PNPLA1: variants seen among roughly 807,000 people sequenced by gnomAD.
The protein encoded by PNPLA1 is patatin like domain 1, omega-hydroxyceramide transacylase, also known as omega-hydroxyceramide transacylase.
PNPLA1 carries 36 observed loss-of-function variants against 51.7 expected under a neutral mutation model. The observed-to-expected ratio is 0.70, with a 90% CI of 0.53 to 0.92. The LOEUF (loss-of-function observed/expected upper bound fraction) is 0.92. PNPLA1 is among the 40% of genes least tolerant of loss of function. The pLI, the probability that PNPLA1 is intolerant of heterozygous loss-of-function variation, is 0.00. For synonymous variants in PNPLA1, 293 were observed against 280.1 expected (o/e 1.05, Z -0.46); for missense variants, 658 against 682.5 (o/e 0.96, Z 0.40).
At chr6:36,274,654 T>C (rs145154729) in intron 1 of PNPLA1, among the ~76,000 whole-genome samples, 2 of 152,316 alleles carry the variant, frequency 1.3e-5, no homozygotes, top group African/African-American at 4.8e-5. Flanking sequence ...CCAAAGCAGT[T>C]GTACCAATTT....
At chr6:36,243,228 TGGA>T (rs1160288567) in exon 1 of PNPLA1, 1 of 152,102 alleles carries the variant, frequency 6.6e-6, no homozygotes, top group Non-Finnish European at 1.5e-5. Context: ...GAAGGCTTCT[TGGA>T]GGAGGAGATG....
At chr6:36,305,897 G>A (rs1771218038) in intron 6 of PNPLA1, among the ~76,000 whole-genome samples, 1 of 151,244 alleles carries the variant, frequency 6.6e-6, no homozygotes, top group African/African-American at 2.4e-5. Flanking sequence ...GAGATCACAG[G>A]CATGCACTAC....
rs70975141 is a variant in PNPLA1, at chr6:36,282,088, A to AGAAGGAAG, written c.206-9188_206-9181dup. On this transcript the variant is annotated intron_variant, in intron 1 of 8. Transcript: ENST00000636260. ...AAGAAAGAAAGAAAGAAAGAAAGAA[A>AGAAGGAAG]GAAGGAAGGAAGGAAGGAAGGAAGG... Among the ~76,000 whole-genome samples the AGAAGGAAG allele has an allele frequency of 4.2e-3, 413 of 98,782 alleles. 8 individuals are homozygous for AGAAGGAAG. The highest frequency in any genetic ancestry group is 5.2e-3 in the Middle Eastern group (1 of 194). 64.8% of individuals were successfully genotyped at this position (98,782 alleles called of 152,430 possible). A position where few individuals can be genotyped will look rare whatever the true frequency, so the allele number is the denominator to read the frequency against.
chr6:36,261,052 C>T (rs553075909), intron 1 of PNPLA1, among the ~76,000 whole-genome samples: 27 of 152,316 alleles, frequency 1.8e-4, no homozygotes, highest in African/African-American at 4.8e-4. Context: ...TGGCTTTGAA[C>T]GGCTGGGCTC....
In PNPLA1 at chr6:36,306,339, G is replaced by A; in HGVS notation, c.1432G>A (p.Val478Ile). Residue 478 changes from valine (V) to isoleucine (I), a missense_variant, in exon 7 of 9, where the codon GTT becomes ATT. Coordinates refer to ENST00000636260, the MANE Select transcript of PNPLA1 (RefSeq NM_001374623.1). ...AAAACCAAAAAGCGCCGTGCCTCTG[G>A]TTCATGTGAAGGAAACCGTCAGCAA... Reference protein sequence around the residue: ...SSKPKSAVPLVHVKETVSKPY... With the variant: ...SSKPKSAVPLIHVKETVSKPY... 2 of 1,612,856 alleles carry A rather than the reference G, an allele frequency of 1.2e-6. No homozygotes were observed. Among genetic ancestry groups the A allele is most frequent in the Non-Finnish European group, 1.7e-6 (2 of 1,179,570 alleles).
chr6:36,275,360 C>T (rs1248084388), intron 1 of PNPLA1, among the ~76,000 whole-genome samples: 1 of 152,176 alleles, frequency 6.6e-6, no homozygotes, highest in Non-Finnish European at 1.5e-5. Context: ...GAGTTACAGG[C>T]CTAAACCAGT....
chr6:36,310,776 G>C (rs1335481273), intron 8 of PNPLA1, among the ~76,000 whole-genome samples: 3 of 152,206 alleles, frequency 2.0e-5, no homozygotes. Flanking sequence ...GAAGTCACAG[G>C]GGTTAGCACT....
chr6:36,288,950 G>T lies in PNPLA1; in HGVS notation c.206-2370G>T, dbSNP rs564661293. ...TGAAAAAACAAATTAGGTTATAAAT[G>T]GATATTTGTTGACCTGGAAAAACAT... On this transcript the variant is annotated intron_variant, in intron 1 of 8. Coordinates refer to ENST00000636260, the MANE Select transcript of PNPLA1 (RefSeq NM_001374623.1). Among the ~76,000 whole-genome samples, 4 of 152,114 alleles carry T rather than the reference G, an allele frequency of 2.6e-5. No individual in the cohort carries two copies. The South Asian group carries it at 8.3e-4, about 32-fold the overall frequency.
At chr6:36,297,262 A>G (rs1453609337) in intron 5 of PNPLA1, among the ~76,000 whole-genome samples, 3 of 152,172 alleles carry the variant, frequency 2.0e-5, no homozygotes, top group Non-Finnish European at 4.4e-5. Flanking sequence ...TTGCCAGTGT[A>G]TGGCACGGGT....
At chr6:36,264,735 C>T (rs1247948922) in intron 1 of PNPLA1, among the ~76,000 whole-genome samples, 1 of 152,130 alleles carries the variant, frequency 6.6e-6, no homozygotes, top group Non-Finnish European at 1.5e-5. Context: ...ATGTTTGCTG[C>T]ACTAGTTTGG....
rs767037214 is a variant in PNPLA1 at position 36,294,925 on chromosome 6, T to A, written c.715-439T>A. 1.3e-5 allele frequency among the ~76,000 whole-genome samples: 2 copies of A among 152,242 alleles called. No homozygotes were observed. The highest frequency in any genetic ancestry group is 4.8e-5 in the African/African-American group (2 of 41,460). On this transcript the variant is annotated intron_variant, in intron 4 of 8. Transcript: ENST00000636260. This position sits in a 1 kb window ranked among gnomAD's most constrained non-coding sequence, Gnocchi z 4.2. ...GCTTTGTGGGCAGTAGCTCATGTAA[T>A]CCTCTAGCATCCTCTATGATCAATA...
Position 36,270,496 on chromosome 6 carries a change from C to T in PNPLA1, c.37C>T (p.Pro13Ser). Reference sequence around the variant, plus strand: ...GGTGTTCAAGGGGGACCCGGACACCCCTCACTCCATCTCCTTCTCGGGCAG... The same window carrying T: ...GGTGTTCAAGGGGGACCCGGACACCTCTCACTCCATCTCCTTCTCGGGCAG... ...EQVFKGDPDT[P>S]HSISFSGSGF... Residue 13 changes from proline to serine, a missense_variant, in exon 1 of 9, where the codon CCT becomes TCT. Transcript: ENST00000636260. The T allele has an allele frequency of 6.4e-7, 1 of 1,551,514 alleles. No individual in the cohort carries two copies. Among genetic ancestry groups the T allele is most frequent in the Non-Finnish European group, 8.7e-7 (1 of 1,147,000 alleles).
intron 2 of PNPLA1, among the ~76,000 whole-genome samples, chr6:36,292,612 G>A (rs1770723016): frequency 6.6e-6 from 1 of 151,976 alleles, no homozygotes; most frequent in African/African-American, 2.4e-5. Flanking sequence ...GTGGAGCCAC[G>A]GTGCCCATGC....
chr6:36,293,272 T>G (rs1211576246), intron 3 of PNPLA1, 146 bp downstream of exon 3: 5 of 854,862 alleles, frequency 5.8e-6, no homozygotes, highest in Non-Finnish European at 9.1e-6. Flanking sequence ...TTACTCAGAA[T>G]TCCCAATGTA....
At chr6:36,245,558 A>G (rs1182273487) in intron 1 of PNPLA1, among the ~76,000 whole-genome samples, 1 of 152,206 alleles carries the variant, frequency 6.6e-6, no homozygotes, top group Admixed American at 6.5e-5. Context: ...AACTCTGGCT[A>G]TCAGGATGCT....
chr6:36,299,490 A>T (rs1770964629), intron 5 of PNPLA1, among the ~76,000 whole-genome samples: 1 of 151,726 alleles, frequency 6.6e-6, no homozygotes, highest in Admixed American at 6.6e-5. Context: ...GCCCGCTACC[A>T]CGCCCAGCTA....
At chr6:36,295,289 T>C (rs1770822488) in intron 4 of PNPLA1, 75 bp from the exon 5 acceptor site, 1 of 1,482,726 alleles carries the variant, frequency 6.7e-7, no homozygotes, top group Non-Finnish European at 9.4e-7. Context: ...TGGGAGTAGC[T>C]GCCCTGGGTC....
chr6:36,300,253 G>GGC (rs1355014762), intron 5 of PNPLA1, among the ~76,000 whole-genome samples: 16 of 150,484 alleles, frequency 1.1e-4, no homozygotes, highest in Middle Eastern at 3.4e-3. Flanking sequence ...GGAGTGCAGT[G>GGC]GTGCAATCTT....
intron 1 of PNPLA1, among the ~76,000 whole-genome samples, chr6:36,282,214 G>A (rs200467683): frequency 0.015 from 833 of 55,624 alleles, 5 homozygotes; most frequent in Non-Finnish European, 0.021. Context: ...GGAAGGAAGG[G>A]AAGGAAGGAA....
Sources: gnomAD v4.1 joint callset for allele counts (sites outside exome capture counted in the v4.1 genomes callset) on GRCh38, gnomAD v4.1.1 for gene constraint, Gnocchi (gnomAD v3.1) non-coding constraint, MANE v1.5 for transcripts, NCBI Gene and HGNC (gene_info 2026-07-23, HGNC 2026-07-21) for gene names.